Variants in CERK observed in about 807,000 individuals in gnomAD.
CERK encodes the protein ceramide kinase.
Under a neutral mutation model 63.4 loss-of-function variants are expected in CERK, and 39 were observed. That is an observed-to-expected ratio of 0.61 (90% CI 0.48 to 0.80). CERK has a LOEUF of 0.80. Ranked by LOEUF, CERK falls within the 30% of genes least tolerant of loss-of-function variation. The pLI is 0.00. For synonymous variants in CERK, 302 were observed against 280.0 expected (o/e 1.08, Z -0.78); for missense variants, 670 against 714.1 (o/e 0.94, Z 0.70).
chr22:46,693,394 G>C, intron 10 of CERK, 33 bp downstream of exon 10: 2 of 1,588,634 alleles, frequency 1.3e-6, no homozygotes, highest in South Asian at 1.1e-5. Flanking sequence ...AGCACACACA[G>C]TGACAACACT....
At chr22:46,699,544 T>A in intron 7 of CERK, 79 bp from the exon 8 acceptor site, 2 of 1,338,066 alleles carry the variant, frequency 1.5e-6, no homozygotes, top group Non-Finnish European at 2.1e-6. Context: ...TCAATAGCAC[T>A]TTGCAAACGT....
intron 3 of CERK, among the ~76,000 whole-genome samples, chr22:46,715,192 G>A (rs948848242): frequency 1.3e-5 from 2 of 152,250 alleles, no homozygotes; most frequent in South Asian, 2.1e-4. Context: ...TTTCCCCTGA[G>A]ATCAGGACTG....
intron 6 of CERK, among the ~76,000 whole-genome samples, chr22:46,706,076 G>A (rs759923107): frequency 1.3e-5 from 2 of 152,252 alleles, no homozygotes; most frequent in Non-Finnish European, 2.9e-5. Flanking sequence ...ACCTTCAGGG[G>A]CTGGGAGCCT....
At chr22:46,698,611 C>A (rs1389513064) in intron 8 of CERK, among the ~76,000 whole-genome samples, 1 of 152,202 alleles carries the variant, frequency 6.6e-6, no homozygotes, top group Non-Finnish European at 1.5e-5. Flanking sequence ...GTTTTACAGG[C>A]CAGGCATGGT....
intron 1 of CERK, among the ~76,000 whole-genome samples, chr22:46,722,777 G>T (rs945975302): frequency 4.6e-5 from 7 of 152,054 alleles, no homozygotes; most frequent in Admixed American, 3.3e-4. Context: ...CAGGCTGCAG[G>T]CCGTGCCGTG....
chr22:46,703,528 G>C (rs768077344), intron 6 of CERK, among the ~76,000 whole-genome samples: 3 of 152,158 alleles, frequency 2.0e-5, no homozygotes, highest in Non-Finnish European at 4.4e-5. Flanking sequence ...TGTGCCCCCA[G>C]GCTGCTCCCC....
At chr22:46,723,556 T>G (rs1421512342) in intron 1 of CERK, among the ~76,000 whole-genome samples, 2 of 145,654 alleles carry the variant, frequency 1.4e-5, no homozygotes, top group African/African-American at 2.5e-5. Context: ...GAGGCGGAGG[T>G]TGCCGTGAGC....
chr22:46,702,223 ATGTGTGTGTG>A lies in CERK; in HGVS notation c.716-523_716-514del, dbSNP rs34222392. On this transcript the variant is annotated intron_variant, in intron 6 of 12. Coordinates refer to ENST00000216264, the MANE Select transcript of CERK (RefSeq NM_022766.6). The stretch of plus-strand genomic sequence containing the variant: ...GCCAAAAAGTTAAAAAAATATATAT[ATGTGTGTGTG>A]TGTGTGTGTGTGTGTGTGTGTGTGT... Among the ~76,000 whole-genome samples, 730 of 84,780 alleles carry A rather than the reference ATGTGTGTGTG, an allele frequency of 8.6e-3. 15 individuals carry two copies. Among genetic ancestry groups the A allele is most frequent in the African/African-American group, 0.024 (563 of 23,100 alleles). 55.6% of individuals were successfully genotyped at this position (84,780 alleles called of 152,430 possible).
chr22:46,691,052 T>TACACACACACACACACACAC (rs753033175), intron 11 of CERK, among the ~76,000 whole-genome samples: 4 of 78,478 alleles, frequency 5.1e-5, no homozygotes, highest in African/African-American at 2.1e-4. Flanking sequence ...CATGTATACA[T>TACACACACACACACACACAC]ACATACACAC....
chr22:46,723,479 T>C (rs2082902627), intron 1 of CERK, among the ~76,000 whole-genome samples: 2 of 151,634 alleles, frequency 1.3e-5, no homozygotes, highest in Admixed American at 1.3e-4. Flanking sequence ...GTTAGCCAGG[T>C]GTGGTGGTGT....
chr22:46,699,161 G>T, intron 8 of CERK, 152 bp downstream of exon 8: 1 of 790,416 alleles, frequency 1.3e-6, no homozygotes, highest in Non-Finnish European at 2.1e-6. Flanking sequence ...CCACGTTCTG[G>T]CCCCGGCACA....
intron 1 of CERK, among the ~76,000 whole-genome samples, chr22:46,732,780 T>C (rs757023208): frequency 1.3e-5 from 2 of 152,148 alleles, no homozygotes; most frequent in African/African-American, 2.4e-5. Context: ...CTTGGGTCAG[T>C]ATCTACTCAG....
chr22:46,730,188 C>T (rs1190817286), intron 1 of CERK, among the ~76,000 whole-genome samples: 2 of 150,682 alleles, frequency 1.3e-5, no homozygotes, highest in Non-Finnish European at 2.9e-5. Flanking sequence ...GAGGCCAAGG[C>T]GGGCAGATTG....
intron 1 of CERK, among the ~76,000 whole-genome samples, chr22:46,725,388 G>A (rs529191175): frequency 1.3e-5 from 2 of 152,246 alleles, no homozygotes; most frequent in South Asian, 4.1e-4. Flanking sequence ...ACCACCGAGG[G>A]CTGGCACACA....
chr22:46,719,629 G>A lies in CERK; in HGVS notation c.379+457C>T, dbSNP rs540237152. On this transcript the variant is annotated intron_variant, in intron 3 of 12. Transcript: ENST00000216264. ...GGTGGTTGCAGTGAGCTGAGATCGC[G>A]CCACTGAACTCCAGCCTGAGCAACC... Among the ~76,000 whole-genome samples the A allele has an allele frequency of 8.5e-4, 130 of 152,276 alleles. 1 individual carries two copies. Among genetic ancestry groups the A allele is most frequent in the African/African-American group, 3.0e-3 (123 of 41,538 alleles).
chr22:46,695,241 A>T lies in CERK; in HGVS notation c.1018T>A (p.Ser340Thr). 1 of 1,608,706 alleles carries T rather than the reference A, an allele frequency of 6.2e-7. No individual in the cohort carries two copies. Among genetic ancestry groups the T allele is most frequent in the Non-Finnish European group, 8.5e-7 (1 of 1,175,536 alleles). The change falls in exon 9 of 13, where the codon TCT becomes ACT. Residue 340 changes from serine (S) to threonine (T), a missense_variant. Coordinates refer to ENST00000216264, the MANE Select transcript of CERK (RefSeq NM_022766.6). ...CGGCAGGGCTTCCTATCCCTTGGAG[A>T]TCCCACCGTGTGTTGTGCAGGGAGG... ...SFLPAQHTVG[S>T]PRDRKPCRAG...
intron 7 of CERK, among the ~76,000 whole-genome samples, chr22:46,700,362 T>C (rs555802676): frequency 3.3e-5 from 5 of 152,082 alleles, no homozygotes; most frequent in African/African-American, 1.2e-4. Context: ...CACTGTACTC[T>C]AGCCTGGGCA....
chr22:46,726,626 T>C (rs1312750050), intron 1 of CERK, among the ~76,000 whole-genome samples: 1 of 152,198 alleles, frequency 6.6e-6, no homozygotes, highest in Non-Finnish European at 1.5e-5. Context: ...ACATGAGCTG[T>C]GTGAACATCT....
chr22:46,684,634 ACCAGGGAG>A lies in CERK; in HGVS notation c.*2492_*2499del, dbSNP rs913631717. On this transcript the variant is annotated 3_prime_UTR_variant, in exon 13 of 13. Coordinates refer to ENST00000216264, the MANE Select transcript of CERK (RefSeq NM_022766.6). ...ATTGCATAACTGCTAATTGTTTTGC[ACCAGGGAG>A]CCACAAAGGAAGCTAAAACTAGCCT... is the stretch of plus-strand genomic sequence containing the variant. 3.6e-4 allele frequency: 55 copies of A among 152,346 alleles called. No individual in the cohort carries two copies. Among genetic ancestry groups the A allele is most frequent in the African/African-American group, 1.2e-3 (51 of 41,576 alleles). The allele number at this position is 152,346 out of a possible 1,614,324, so 9.4% of individuals were successfully genotyped here. A position where few individuals can be genotyped will look rare whatever the true frequency, so the allele number is the denominator to read the frequency against.
Sources: gnomAD v4.1 joint callset for allele counts (sites outside exome capture counted in the v4.1 genomes callset) on GRCh38, gnomAD v4.1.1 for gene constraint, MANE v1.5 for transcripts, NCBI Gene and HGNC (gene_info 2026-07-23, HGNC 2026-07-21) for gene names.